Variants in RIMS1 observed in about 807,000 individuals in gnomAD.
RIMS1 encodes regulating synaptic membrane exocytosis protein 1.
A neutral mutation model predicts 214.1 loss-of-function variants in RIMS1; 83 were observed. That is an observed-to-expected ratio of 0.39 (90% CI 0.32 to 0.47). The LOEUF (loss-of-function observed/expected upper bound fraction) is 0.47. RIMS1 is among the 20% of genes least tolerant of loss of function. RIMS1 has a pLI of 0.99. For synonymous variants in RIMS1, 793 were observed against 786.8 expected, an observed-to-expected ratio of 1.01 and a Z score of -0.13; for missense variants, 2,050 against 2,161.8, an observed-to-expected ratio of 0.95 and a Z score of 1.03.
At chr6:72,357,708 T>C (rs1000198537) in intron 29 of RIMS1, among the ~76,000 whole-genome samples, 4 of 152,314 alleles carry the variant, frequency 2.6e-5, no homozygotes, top group African/African-American at 7.2e-5. Flanking sequence ...AATCCTTCTT[T>C]ACTTGATTTT....
chr6:72,093,341 G>A (rs1197435889), intron 2 of RIMS1, among the ~76,000 whole-genome samples: 4 of 151,330 alleles, frequency 2.6e-5, no homozygotes. Flanking sequence ...ATATACATAT[G>A]TTATATGCAA....
chr6:72,141,885 C>T (rs2042121329), intron 4 of RIMS1, among the ~76,000 whole-genome samples: 1 of 151,882 alleles, frequency 6.6e-6, no homozygotes, highest in Non-Finnish European at 1.5e-5. Flanking sequence ...GTTTCCTTTC[C>T]TAGAAAGTAA....
chr6:72,218,004 G>T (rs776844060), intron 6 of RIMS1, among the ~76,000 whole-genome samples: 119 of 151,894 alleles, frequency 7.8e-4, no homozygotes, highest in Non-Finnish European at 1.5e-3. Context: ...AGATGCTCAA[G>T]ATCATCTATT....
At chr6:72,011,113 A>G (rs1020276823) in intron 2 of RIMS1, among the ~76,000 whole-genome samples, 21 of 152,244 alleles carry the variant, frequency 1.4e-4, no homozygotes, top group African/African-American at 4.3e-4. Context: ...ACAGCATGGT[A>G]CTGGTACCAA....
intron 4 of RIMS1, among the ~76,000 whole-genome samples, chr6:72,117,292 T>C (rs2037277075): frequency 6.6e-6 from 1 of 152,032 alleles, no homozygotes; most frequent in African/African-American, 2.4e-5. Context: ...CCCTCTTTAG[T>C]ACAATAGCTC....
Position 72,113,446 on chromosome 6 carries a change from A to C in RIMS1, c.471+13460A>C, listed in dbSNP as rs187601983. On this transcript the variant is annotated intron_variant, in intron 4 of 33. Transcript: ENST00000521978. ...ATTAGGAAATTGTGTTTTTGAACTG[A>C]AACTTTGTTGAGTAATTTTGATAAA... Among the ~76,000 whole-genome samples the C allele has an allele frequency of 3.3e-5, 5 of 152,252 alleles. No homozygotes were observed. In the East Asian group the frequency reaches 7.7e-4, roughly 23 times the overall value.
At chr6:72,245,922 T>C in intron 11 of RIMS1, 61 bp downstream of exon 11, 1 of 1,193,110 alleles carries the variant, frequency 8.4e-7, no homozygotes, top group Non-Finnish European at 1.2e-6. Context: ...TAAAGATTTC[T>C]AATTTTCTTT....
intron 6 of RIMS1, among the ~76,000 whole-genome samples, chr6:72,209,630 G>A (rs2053484443): frequency 1.3e-5 from 2 of 152,246 alleles, no homozygotes; most frequent in South Asian, 2.1e-4. Context: ...GGCCGGGCAC[G>A]GTGGCTCATG....
At chr6:71,941,553 C>T (rs1319412145) in intron 1 of RIMS1, among the ~76,000 whole-genome samples, 2 of 152,068 alleles carry the variant, frequency 1.3e-5, no homozygotes, top group Non-Finnish European at 2.9e-5. Context: ...TTTTCTTCCC[C>T]TTCTTATGCC....
At chr6:72,275,702 T>C (rs1021130762) in intron 23 of RIMS1, among the ~76,000 whole-genome samples, 1 of 152,148 alleles carries the variant, frequency 6.6e-6, no homozygotes, top group African/African-American at 2.4e-5. Context: ...GTAACCAATC[T>C]AAAAAGTATT....
intron 7 of RIMS1, among the ~76,000 whole-genome samples, chr6:72,235,415 T>A (rs2063625288): frequency 6.6e-6 from 1 of 152,066 alleles, no homozygotes; most frequent in South Asian, 2.1e-4. Context: ...AACATCAACG[T>A]TTTTTTAGCT....
At chr6:72,292,928 CA>C in intron 26 of RIMS1, among the ~76,000 whole-genome samples, 1 of 151,998 alleles carries the variant, frequency 6.6e-6, no homozygotes, top group East Asian at 1.9e-4. Flanking sequence ...TTTTTTTCAG[CA>C]GTGTTATTGT....
intron 2 of RIMS1, among the ~76,000 whole-genome samples, chr6:72,050,226 G>A: frequency 6.6e-6 from 1 of 152,164 alleles, no homozygotes; most frequent in South Asian, 2.1e-4. Context: ...ATTTTTTTAA[G>A]AAAATGTTTT....
At chr6:71,914,028 T>C (rs547673587) in intron 1 of RIMS1, among the ~76,000 whole-genome samples, 1 of 152,174 alleles carries the variant, frequency 6.6e-6, no homozygotes, top group Non-Finnish European at 1.5e-5. Flanking sequence ...CACTCTTTAC[T>C]GCCCATTTTA....
chr6:72,055,575 G>T (rs1161611809), intron 2 of RIMS1, among the ~76,000 whole-genome samples: 2 of 152,122 alleles, frequency 1.3e-5, no homozygotes, highest in African/African-American at 2.4e-5. Context: ...TGGCATCCTT[G>T]TCTTGTTCTG....
At chr6:72,012,715 T>G (rs1334920146) in intron 2 of RIMS1, among the ~76,000 whole-genome samples, 1 of 152,140 alleles carries the variant, frequency 6.6e-6, no homozygotes, top group Non-Finnish European at 1.5e-5. Flanking sequence ...TAAAGCTGCT[T>G]GGCATTGGTA....
In RIMS1 at chr6:72,154,930, A is replaced by G. The variant is rs55746965; in HGVS notation, c.472-24645A>G. 1.4e-5 allele frequency among the ~76,000 whole-genome samples: 2 copies of G among 139,908 alleles called. 1 individual carries two copies. Among genetic ancestry groups the G allele is most frequent in the Non-Finnish European group, 3.3e-5 (2 of 61,420 alleles). The allele number at this position is 139,908 out of a possible 152,430, so 91.8% of individuals were successfully genotyped here. A position where few individuals can be genotyped will look rare whatever the true frequency, so the allele number is the denominator to read the frequency against. ...TAATCATCATAGCCGAATGGTTGAG[A>G]GAGGCTGGGAGCAGGAAGAGAGGCT... On this transcript the variant is annotated intron_variant, in intron 4 of 33. Transcript: ENST00000521978.
chr6:71,996,672 T>C (rs752851647), intron 2 of RIMS1, among the ~76,000 whole-genome samples: 2 of 152,200 alleles, frequency 1.3e-5, no homozygotes, highest in Non-Finnish European at 2.9e-5. Flanking sequence ...ATGTCTATTG[T>C]CTTTGTACAG....
intron 5 of RIMS1, 140 bp from the exon 6 acceptor site, chr6:72,182,144 T>TA: frequency 2.3e-6 from 2 of 878,724 alleles, no homozygotes; most frequent in Non-Finnish European, 3.3e-6. Flanking sequence ...CCAACACCCT[T>TA]ACAGTTCCAC....
Sources: gnomAD v4.1 joint callset for allele counts (sites outside exome capture counted in the v4.1 genomes callset) on GRCh38, gnomAD v4.1.1 for gene constraint, MANE v1.5 for transcripts, NCBI Gene and HGNC (gene_info 2026-07-23, HGNC 2026-07-21) for gene names.